The following SH3GL3 variants were observed in gnomAD, a reference collection of about 807,000 sequenced individuals.
SH3GL3 encodes SH3 domain containing GRB2 like 3, endophilin A3, also known as endophilin-A3.
Under a neutral mutation model 47.7 loss-of-function variants are expected in SH3GL3, and 33 were observed. The ratio of observed to expected loss-of-function variants is 0.69; its 90% CI spans 0.52 to 0.92. The LOEUF (loss-of-function observed/expected upper bound fraction) is 0.92. SH3GL3 is among the 40% of genes least tolerant of loss of function. The probability of loss-of-function intolerance (pLI) is 0.00; values close to 1 mark genes in which losing one functional copy is unlikely to be tolerated. For missense variants in SH3GL3, 363 were observed against 417.8 expected, an observed-to-expected ratio of 0.87 and a Z score of 1.14; for synonymous variants, 155 against 148.8, an observed-to-expected ratio of 1.04 and a Z score of -0.30.
intron 1 of SH3GL3, among the ~76,000 whole-genome samples, chr15:83,514,320 G>A (rs2151636417): frequency 6.6e-6 from 1 of 152,092 alleles, no homozygotes; most frequent in Non-Finnish European, 1.5e-5. Context: ...AGTTGCACTG[G>A]AAATACACAA....
chr15:83,472,469 AT>A (rs760435344), intron 1 of SH3GL3, among the ~76,000 whole-genome samples: 3 of 151,044 alleles, frequency 2.0e-5, no homozygotes, highest in South Asian at 2.1e-4. Flanking sequence ...TCCAGTTCAC[AT>A]TTTTTTTCTC....
chr15:83,533,231 T>A (rs1382624460), intron 1 of SH3GL3, among the ~76,000 whole-genome samples: 1 of 152,064 alleles, frequency 6.6e-6, no homozygotes, highest in Admixed American at 6.6e-5. Flanking sequence ...TATGGGGAAA[T>A]AATGGAAGGT....
chr15:83,500,998 T>C (rs2042272212), intron 1 of SH3GL3, among the ~76,000 whole-genome samples: 1 of 152,236 alleles, frequency 6.6e-6, no homozygotes, highest in African/African-American at 2.4e-5. Context: ...ATATTTCTTG[T>C]CCTCTGTGTA....
At chr15:83,449,804 C>T (rs576134648) in intron 1 of SH3GL3, among the ~76,000 whole-genome samples, 1 of 151,506 alleles carries the variant, frequency 6.6e-6, no homozygotes, top group African/African-American at 2.4e-5. Flanking sequence ...GCTTCATAGC[C>T]ATGTTTTGTG....
intron 3 of SH3GL3, 113 bp downstream of exon 3, chr15:83,565,319 G>A: frequency 2.7e-6 from 2 of 729,812 alleles, no homozygotes; most frequent in Non-Finnish European, 2.4e-6. Flanking sequence ...TCCCAATAAT[G>A]AAATTCAGTT....
At chr15:83,549,228 G>A (rs978678568) in intron 1 of SH3GL3, among the ~76,000 whole-genome samples, 2 of 152,128 alleles carry the variant, frequency 1.3e-5, no homozygotes, top group Admixed American at 1.3e-4. Flanking sequence ...GGGATTACCT[G>A]TTGGATCATC....
intron 1 of SH3GL3, among the ~76,000 whole-genome samples, chr15:83,542,364 G>T (rs980919992): frequency 5.3e-5 from 8 of 152,052 alleles, no homozygotes; most frequent in African/African-American, 1.9e-4. Flanking sequence ...ATGCTGTTTG[G>T]TTACTACAGC....
intron 6 of SH3GL3, among the ~76,000 whole-genome samples, chr15:83,581,915 T>G (rs1433581079): frequency 3.3e-5 from 5 of 152,186 alleles, no homozygotes; most frequent in Non-Finnish European, 5.9e-5. Flanking sequence ...TAGGCAGTGA[T>G]GCAAGCCAGG....
At chr15:83,589,901 C>A (rs2060050237) in intron 8 of SH3GL3, among the ~76,000 whole-genome samples, 1 of 152,118 alleles carries the variant, frequency 6.6e-6, no homozygotes, top group South Asian at 2.1e-4. Flanking sequence ...ACTGTGCTGG[C>A]TACATTACTA....
chr15:83,561,308 C>T (rs2045258374), intron 2 of SH3GL3, among the ~76,000 whole-genome samples: 1 of 151,986 alleles, frequency 6.6e-6, no homozygotes, highest in South Asian at 2.1e-4. Context: ...AGTAGAGCTT[C>T]TAAATTCTGG....
At chr15:83,473,571 A>G (rs548571548) in intron 1 of SH3GL3, among the ~76,000 whole-genome samples, 1 of 150,164 alleles carries the variant, frequency 6.7e-6, no homozygotes, top group Non-Finnish European at 1.5e-5. Flanking sequence ...TTTCTGAGAC[A>G]GAGTCTCGCT....
At chr15:83,525,094 A>T (rs2043357900) in intron 1 of SH3GL3, among the ~76,000 whole-genome samples, 2 of 152,322 alleles carry the variant, frequency 1.3e-5, no homozygotes, top group South Asian at 4.1e-4. Context: ...ACTGTTTTCC[A>T]TAATGGCTGT....
At chr15:83,587,730 A>G (rs1397523005) in intron 7 of SH3GL3, among the ~76,000 whole-genome samples, 2 of 152,198 alleles carry the variant, frequency 1.3e-5, no homozygotes, top group Non-Finnish European at 2.9e-5. Context: ...GAATTTAATC[A>G]TAGATGTAGT....
At chr15:83,463,168 C>T (rs946620293) in intron 1 of SH3GL3, among the ~76,000 whole-genome samples, 16 of 152,300 alleles carry the variant, frequency 1.1e-4, no homozygotes, top group African/African-American at 3.6e-4. Flanking sequence ...TCACAGCTTT[C>T]ACATATCTCA....
chr15:83,555,416 A>G (rs890064045), intron 1 of SH3GL3, among the ~76,000 whole-genome samples: 1 of 152,032 alleles, frequency 6.6e-6, no homozygotes, highest in Non-Finnish European at 1.5e-5. Flanking sequence ...TATTTTATTC[A>G]TGTGCCTTGG....
chr15:83,623,251 C>T (rs1446712130), downstream of SH3GL3, among the ~76,000 whole-genome samples: 1 of 152,166 alleles, frequency 6.6e-6, no homozygotes, highest in Non-Finnish European at 1.5e-5. Context: ...GTAAAAGCCA[C>T]CCCCCAAATC....
intron 2 of SH3GL3, among the ~76,000 whole-genome samples, chr15:83,561,095 C>T (rs2045246563): frequency 6.6e-6 from 1 of 151,982 alleles, no homozygotes; most frequent in Non-Finnish European, 1.5e-5. Flanking sequence ...AATCAATAGG[C>T]TCATGGAGGA....
At chr15:83,460,047 TCC>T (rs1567236246) in intron 1 of SH3GL3, among the ~76,000 whole-genome samples, 4 of 62,544 alleles carry the variant, frequency 6.4e-5, no homozygotes, top group Non-Finnish European at 9.3e-5. Context: ...CCTCCCTCCC[TCC>T]CTCCCTGCCT....
chr15:83,456,670 C>T (rs1302715076), intron 1 of SH3GL3, among the ~76,000 whole-genome samples: 1 of 142,778 alleles, frequency 7.0e-6, no homozygotes, highest in Non-Finnish European at 1.5e-5. Context: ...CTTCGGCTCG[C>T]GCACGGTGCG....
Sources: gnomAD v4.1 joint callset for allele counts (sites outside exome capture counted in the v4.1 genomes callset) on GRCh38, gnomAD v4.1.1 for gene constraint, MANE v1.5 for transcripts, NCBI Gene and HGNC (gene_info 2026-07-23, HGNC 2026-07-21) for gene names.